ST3GAL3: variants seen among roughly 807,000 people sequenced by gnomAD.
ST3GAL3 encodes ST3 beta-galactoside alpha-2,3-sialyltransferase 3.
A neutral mutation model predicts 50.1 loss-of-function variants in ST3GAL3; 21 were observed. That is an observed-to-expected ratio of 0.42 (90% confidence interval 0.30 to 0.60). ST3GAL3 has a LOEUF of 0.60. Among genes scored for constraint, ST3GAL3 ranks in the 20% least tolerant of loss-of-function variants. ST3GAL3 has a pLI of 0.19. For missense variants in ST3GAL3, 353 were observed against 489.4 expected, an observed-to-expected ratio of 0.72 and a Z score of 2.63; for synonymous variants, 183 against 190.0, an observed-to-expected ratio of 0.96 and a Z score of 0.30.
intron 4 of ST3GAL3, among the ~76,000 whole-genome samples, chr1:43,815,922 G>A (rs1042367638): frequency 6.6e-6 from 1 of 151,940 alleles, no homozygotes; most frequent in Non-Finnish European, 1.5e-5. Context: ...TGGATGGATG[G>A]ATGGATGGAT....
chr1:43,908,275 A>G (rs533070772), intron 9 of ST3GAL3, among the ~76,000 whole-genome samples: 52 of 152,074 alleles, frequency 3.4e-4, no homozygotes, highest in African/African-American at 1.2e-3. Context: ...TCTCTCTCCA[A>G]TCCCTTCTCT....
chr1:43,834,487 A>G (rs2063993815), intron 4 of ST3GAL3, among the ~76,000 whole-genome samples: 1 of 152,180 alleles, frequency 6.6e-6, no homozygotes, highest in Non-Finnish European at 1.5e-5. Context: ...TGCCGAATCC[A>G]GCATTTAGTC....
At chr1:43,817,782 T>TCGTCTCCTCCTC (rs2061574193) in intron 4 of ST3GAL3, among the ~76,000 whole-genome samples, 1 of 88,262 alleles carries the variant, frequency 1.1e-5, no homozygotes, top group Non-Finnish European at 2.2e-5. Flanking sequence ...TTCTCCTCCT[T>TCGTCTCCTCCTC]CTTCTCCTCC....
intron 11 of ST3GAL3, 168 bp from the exon 12 acceptor site, chr1:43,929,964 G>C: frequency 1.3e-6 from 1 of 762,336 alleles, no homozygotes; most frequent in South Asian, 1.4e-5. Context: ...GGCACTCCTA[G>C]AGCAGGGTCA....
At chr1:43,862,044 AAAGAG>A (rs1195917726) in intron 5 of ST3GAL3, among the ~76,000 whole-genome samples, 39 of 150,834 alleles carry the variant, frequency 2.6e-4, no homozygotes, top group African/African-American at 9.0e-4. Flanking sequence ...AAAAAAAAAA[AAAGAG>A]AGACAACTAC....
intron 1 of ST3GAL3, among the ~76,000 whole-genome samples, chr1:43,734,470 A>C (rs1238987028): frequency 1.3e-5 from 2 of 151,860 alleles, no homozygotes; most frequent in South Asian, 2.1e-4. Flanking sequence ...AGGCCTGGCT[A>C]ACTTTTTAAT....
At chr1:43,722,930 C>G (rs1282137538) in intron 1 of ST3GAL3, among the ~76,000 whole-genome samples, 1 of 152,146 alleles carries the variant, frequency 6.6e-6, no homozygotes, top group Non-Finnish European at 1.5e-5. Context: ...GATATTTGTT[C>G]TCTCCAAATT....
intron 2 of ST3GAL3, among the ~76,000 whole-genome samples, chr1:43,778,831 T>G (rs1698318253): frequency 6.6e-6 from 1 of 151,848 alleles, no homozygotes; most frequent in East Asian, 1.9e-4. Flanking sequence ...GTATTTTTAG[T>G]AGAGGCAGGG....
intron 5 of ST3GAL3, among the ~76,000 whole-genome samples, chr1:43,846,283 G>A (rs1217452488): frequency 6.6e-6 from 1 of 152,124 alleles, no homozygotes; most frequent in Non-Finnish European, 1.5e-5. Flanking sequence ...GTCATTTGGT[G>A]TGTATACACT....
chr1:43,925,605 G>A (rs1341724996), intron 11 of ST3GAL3, among the ~76,000 whole-genome samples: 1 of 152,146 alleles, frequency 6.6e-6, no homozygotes, highest in Non-Finnish European at 1.5e-5. Context: ...TGTTACCTGG[G>A]GTGTCTCACA....
intron 2 of ST3GAL3, among the ~76,000 whole-genome samples, chr1:43,757,204 C>A (rs540913341): frequency 1.3e-5 from 2 of 152,236 alleles, no homozygotes; most frequent in South Asian, 4.1e-4. Context: ...CGCACCTGGC[C>A]CCCAATGTGT....
At chr1:43,898,135 C>G (rs1553441920) in intron 6 of ST3GAL3, 100 bp from the exon 7 acceptor site, 15 of 1,292,974 alleles carry the variant, frequency 1.2e-5, no homozygotes, top group Middle Eastern at 1.8e-4. Context: ...CACTTTCACT[C>G]TAGCCCCTAG....
At chr1:43,731,889 G>T (rs1020557473) in intron 1 of ST3GAL3, among the ~76,000 whole-genome samples, 1 of 151,582 alleles carries the variant, frequency 6.6e-6, no homozygotes, top group Non-Finnish European at 1.5e-5. Context: ...TGTTGCCCAG[G>T]TTGGTTTAGA....
At chr1:43,736,955 C>T (rs1256697956) in intron 2 of ST3GAL3, 1 of 223,818 alleles carries the variant, frequency 4.5e-6, no homozygotes, top group African/African-American at 2.4e-5. Context: ...CACTTTGTCT[C>T]ATGTGTTACA....
At chr1:43,878,552 A>G (rs2074511821) in intron 5 of ST3GAL3, among the ~76,000 whole-genome samples, 1 of 152,188 alleles carries the variant, frequency 6.6e-6, no homozygotes, top group South Asian at 2.1e-4. Flanking sequence ...CAGAGGAAAC[A>G]GCTCTAGTCA....
chr1:43,758,753 A>G (rs1689069823), intron 2 of ST3GAL3, among the ~76,000 whole-genome samples: 1 of 152,112 alleles, frequency 6.6e-6, no homozygotes, highest in Admixed American at 6.5e-5. Context: ...GAGGTCAGGC[A>G]TGATAGTTCA....
At chr1:43,741,304 T>C (rs948038231) in intron 2 of ST3GAL3, among the ~76,000 whole-genome samples, 3 of 152,212 alleles carry the variant, frequency 2.0e-5, no homozygotes, top group Non-Finnish European at 4.4e-5. Flanking sequence ...CTGTACTCCA[T>C]CCAGCCTGTG....
At chr1:43,821,152 G>T (rs1323553245) in intron 4 of ST3GAL3, among the ~76,000 whole-genome samples, 1 of 152,200 alleles carries the variant, frequency 6.6e-6, no homozygotes, top group African/African-American at 2.4e-5. Context: ...AGGCTATCCT[G>T]CGAGCTGAAG....
intron 4 of ST3GAL3, among the ~76,000 whole-genome samples, chr1:43,833,413 C>G (rs2063808663): frequency 6.6e-6 from 1 of 152,102 alleles, no homozygotes; most frequent in Non-Finnish European, 1.5e-5. Flanking sequence ...TAACTATGTC[C>G]TAGTCATCAT....
Sources: gnomAD v4.1 joint callset for allele counts (sites outside exome capture counted in the v4.1 genomes callset) on GRCh38, gnomAD v4.1.1 for gene constraint, MANE v1.5 for transcripts, NCBI Gene and HGNC (gene_info 2026-07-23, HGNC 2026-07-21) for gene names.